Variants in FAT3 observed in about 807,000 individuals in gnomAD.
FAT3 encodes FAT atypical cadherin 3.
In FAT3, 95 loss-of-function variants were observed where a neutral mutation model predicts 310.2. The ratio of observed to expected loss-of-function variants is 0.31; its 90% CI spans 0.26 to 0.36. The LOEUF (loss-of-function observed/expected upper bound fraction) is 0.36. Ranked by LOEUF, FAT3 falls within the 10% of genes least tolerant of loss-of-function variation. FAT3 has a pLI of 1.00. For missense variants in FAT3, 5,408 were observed against 5,715.6 expected (o/e 0.95, Z 1.74); for synonymous variants, 2,314 against 2,192.9 (o/e 1.06, Z -1.54).
intron 9 of FAT3, among the ~76,000 whole-genome samples, chr11:92,795,915 A>C (rs989761177): frequency 1.3e-5 from 2 of 152,172 alleles, no homozygotes; most frequent in Non-Finnish European, 1.5e-5. Flanking sequence ...CTCAAAAAAA[A>C]ACAAAAAATT....
At chr11:92,634,987 A>G (rs1941707975) in intron 3 of FAT3, among the ~76,000 whole-genome samples, 1 of 152,194 alleles carries the variant, frequency 6.6e-6, no homozygotes, top group Non-Finnish European at 1.5e-5. Context: ...TTGTGAAGAC[A>G]TACCAACCAT....
intron 10 of FAT3, 99 bp from the exon 11 acceptor site, chr11:92,805,053 AG>A: frequency 8.5e-7 from 1 of 1,171,124 alleles, no homozygotes; most frequent in Non-Finnish European, 1.2e-6. Context: ...ATACAGTTTA[AG>A]GAGTACCTGG....
At chr11:92,661,863 A>G (rs1942795158) in intron 3 of FAT3, among the ~76,000 whole-genome samples, 1 of 152,044 alleles carries the variant, frequency 6.6e-6, no homozygotes, top group South Asian at 2.1e-4. Context: ...GAATTATAAG[A>G]TGGAGAAATA....
At chr11:92,772,729 C>T (rs1396874834) in intron 6 of FAT3, among the ~76,000 whole-genome samples, 1 of 152,034 alleles carries the variant, frequency 6.6e-6, no homozygotes, top group Non-Finnish European at 1.5e-5. Flanking sequence ...ATTAAATAAT[C>T]TTAAGTGTAT....
chr11:92,685,113 A>G (rs1309712804), intron 3 of FAT3, among the ~76,000 whole-genome samples: 1 of 152,214 alleles, frequency 6.6e-6, no homozygotes, highest in Non-Finnish European at 1.5e-5. Context: ...GTTTTTTGAG[A>G]AATGAAACAT....
At position 92,354,264 on chromosome 11, in the gene FAT3, A is replaced by G. The variant is rs377761938; in HGVS notation, c.2152A>G (p.Ile718Val). ...LEDGFLDFYS[I>V]NRQGPYFDKS... is the part of the protein sequence containing the mutation. Reference sequence around the variant, plus strand: ...AGATGGATTTCTTGACTTTTATTCAATTAATAGACAGGGACCATATTTTGA... The same window carrying G: ...AGATGGATTTCTTGACTTTTATTCAGTTAATAGACAGGGACCATATTTTGA... The change falls in exon 2 of 28, where the codon ATT becomes GTT. Residue 718 changes from isoleucine (I) to valine (V), a missense_variant. Coordinates refer to ENST00000525166, the MANE Select transcript of FAT3 (RefSeq NM_001367949.2). The G allele has an allele frequency of 7.6e-5, 123 of 1,613,722 alleles. 1 individual carries two copies. The African/African-American group carries it at 1.2e-3, about 15-fold the overall frequency.
At chr11:92,335,527 T>C (rs1948045482) in intron 1 of FAT3, among the ~76,000 whole-genome samples, 1 of 152,190 alleles carries the variant, frequency 6.6e-6, no homozygotes, top group African/African-American at 2.4e-5. Flanking sequence ...TCAGGTGTTC[T>C]GCACCTTATA....
chr11:92,826,444 T>C (rs1948107561), intron 13 of FAT3, among the ~76,000 whole-genome samples: 1 of 152,160 alleles, frequency 6.6e-6, no homozygotes, highest in African/African-American at 2.4e-5. Context: ...GCCTGCAGCA[T>C]GGGATTGAGA....
chr11:92,560,847 A>T (rs984074030), intron 3 of FAT3, among the ~76,000 whole-genome samples: 1 of 152,116 alleles, frequency 6.6e-6, no homozygotes, highest in Admixed American at 6.6e-5. Context: ...TCTGTGTTTT[A>T]TCTGATCCTA....
rs1949911742 is a variant in FAT3 at position 92,891,177 on chromosome 11, T to A, written c.*64T>A. Reference sequence around the variant, plus strand: ...AAAGTGGAAGCAGATTGGCTGGGCTTCTGTCCCAGTGGAGCATTGTCTGTG... The same window carrying A: ...AAAGTGGAAGCAGATTGGCTGGGCTACTGTCCCAGTGGAGCATTGTCTGTG... On this transcript the variant is annotated 3_prime_UTR_variant, in exon 28 of 28. Coordinates refer to ENST00000525166, the MANE Select transcript of FAT3 (RefSeq NM_001367949.2). The A allele has an allele frequency of 7.7e-6, 12 of 1,568,522 alleles. No individual in the cohort carries two copies. The highest frequency in any genetic ancestry group is 8.6e-7 in the Non-Finnish European group (1 of 1,156,728).
chr11:92,723,421 A>G (rs1944918038), intron 4 of FAT3, among the ~76,000 whole-genome samples: 1 of 152,168 alleles, frequency 6.6e-6, no homozygotes, highest in Admixed American at 6.5e-5. Flanking sequence ...TGTCAAAGCC[A>G]TTAAACAAGT....
At chr11:92,609,994 T>A (rs914014386) in intron 3 of FAT3, among the ~76,000 whole-genome samples, 1 of 152,214 alleles carries the variant, frequency 6.6e-6, no homozygotes, top group Non-Finnish European at 1.5e-5. Flanking sequence ...CTCATTTTTG[T>A]ACATTGATAC....
chr11:92,743,333 A>T (rs1945561024), intron 4 of FAT3, among the ~76,000 whole-genome samples: 1 of 152,142 alleles, frequency 6.6e-6, no homozygotes, highest in Admixed American at 6.5e-5. Context: ...TCAGCAGGAG[A>T]TTGACATGCT....
At chr11:92,591,380 A>C (rs971529780) in intron 3 of FAT3, among the ~76,000 whole-genome samples, 2 of 152,170 alleles carry the variant, frequency 1.3e-5, no homozygotes, top group Non-Finnish European at 2.9e-5. Flanking sequence ...TATATGTAGC[A>C]CTGTGAGAAA....
intron 4 of FAT3, among the ~76,000 whole-genome samples, chr11:92,745,125 A>G (rs1393685805): frequency 6.6e-6 from 1 of 152,240 alleles, no homozygotes; most frequent in Non-Finnish European, 1.5e-5. Flanking sequence ...CTGCCAAGAC[A>G]AAAGTAACTT....
intron 2 of FAT3, among the ~76,000 whole-genome samples, chr11:92,364,582 T>C (rs1263718783): frequency 6.6e-6 from 1 of 152,246 alleles, no homozygotes; most frequent in East Asian, 1.9e-4. Context: ...CAATGTTTCG[T>C]TGAAAAGAAA....
intron 1 of FAT3, among the ~76,000 whole-genome samples, chr11:92,232,445 G>C (rs988324485): frequency 6.6e-6 from 1 of 152,128 alleles, no homozygotes; most frequent in Non-Finnish European, 1.5e-5. Context: ...TTGAAGTCTG[G>C]TGTCTACATA....
intron 2 of FAT3, among the ~76,000 whole-genome samples, chr11:92,429,044 T>G (rs1390951495): frequency 6.6e-6 from 1 of 152,182 alleles, no homozygotes; most frequent in Non-Finnish European, 1.5e-5. Context: ...AGAACTTGCT[T>G]TATGAATCTG....
intron 3 of FAT3, among the ~76,000 whole-genome samples, chr11:92,553,244 C>T (rs1223209208): frequency 6.6e-6 from 1 of 152,188 alleles, no homozygotes; most frequent in Non-Finnish European, 1.5e-5. Flanking sequence ...TCAAAGGTCA[C>T]ATCTTGTTCA....
Sources: allele counts gnomAD v4.1 joint callset (sites outside exome capture counted in the v4.1 genomes callset), GRCh38; gene constraint gnomAD v4.1.1; transcripts MANE v1.5; gene names NCBI Gene and HGNC (gene_info 2026-07-23, HGNC 2026-07-21).